TSHZ2: variants seen among roughly 807,000 people sequenced by gnomAD.
TSHZ2 encodes teashirt homolog 2.
A neutral mutation model predicts 74.4 loss-of-function variants in TSHZ2; 21 were observed. That is an observed-to-expected ratio of 0.28 (90% CI 0.20 to 0.41). The LOEUF is 0.41. Ranked by LOEUF, TSHZ2 falls within the 10% of genes least tolerant of loss-of-function variation. The pLI is 1.00. For synonymous variants in TSHZ2, 540 were observed against 515.3 expected, an observed-to-expected ratio of 1.05 and a Z score of -0.65; for missense variants, 1,244 against 1,293.5, an observed-to-expected ratio of 0.96 and a Z score of 0.59.
rs1416643340 is a variant in TSHZ2, at chr20:53,086,586, A to G, written c.40+113253A>G. 2.6e-5 allele frequency among the ~76,000 whole-genome samples: 4 copies of G among 152,188 alleles called. No individual in the cohort carries two copies. The East Asian group carries it at 5.8e-4, about 22-fold the overall frequency. Reference sequence around the variant, plus strand: ...AAACCTCCTGTCAGGAATGATGTATATAGGGCAAATAACAACCTCTCCCTG... The same window carrying G: ...AAACCTCCTGTCAGGAATGATGTATGTAGGGCAAATAACAACCTCTCCCTG... On this transcript the variant is annotated intron_variant, in intron 1 of 2. Transcript: ENST00000371497.
intron 2 of TSHZ2, among the ~76,000 whole-genome samples, chr20:53,332,816 A>G (rs763851769): frequency 6.6e-6 from 1 of 152,212 alleles, no homozygotes; most frequent in Non-Finnish European, 1.5e-5. Flanking sequence ...TGGCAGATGC[A>G]TTATAAGAAA....
intron 2 of TSHZ2, among the ~76,000 whole-genome samples, chr20:53,444,667 C>T (rs1459273363): frequency 1.3e-5 from 2 of 152,158 alleles, no homozygotes; most frequent in African/African-American, 2.4e-5. Context: ...GTCTTTTCTC[C>T]GTGGACATTC....
intron 2 of TSHZ2, among the ~76,000 whole-genome samples, chr20:53,436,545 A>ATTTTT (rs1430483512): frequency 2.9e-5 from 3 of 101,986 alleles, no homozygotes; most frequent in African/African-American, 1.2e-4. Flanking sequence ...TATTATTATT[A>ATTTTT]TTATTTTTTT....
chr20:53,481,956 T>C (rs537797546), intron 2 of TSHZ2, among the ~76,000 whole-genome samples: 1 of 151,774 alleles, frequency 6.6e-6, no homozygotes, highest in South Asian at 2.1e-4. Flanking sequence ...AATACAAAAT[T>C]AGCCAGGCAT....
intron 1 of TSHZ2, among the ~76,000 whole-genome samples, chr20:53,011,407 C>T (rs921164463): frequency 9.9e-5 from 15 of 152,078 alleles, no homozygotes; most frequent in African/African-American, 3.6e-4. Context: ...ATAAGTAAAC[C>T]CAAAGTTTTA....
intron 1 of TSHZ2, chr20:53,185,177 G>A (rs1988571318): frequency 3.0e-6 from 3 of 986,664 alleles, no homozygotes; most frequent in Non-Finnish European, 1.2e-6. Flanking sequence ...TTGTTTTGAA[G>A]AATGTCTTTC....
chr20:53,218,520 C>A lies in TSHZ2; in HGVS notation c.41-34979C>A, dbSNP rs541315345. 9.2e-5 allele frequency among the ~76,000 whole-genome samples: 14 copies of A among 152,326 alleles called. No individual in the cohort carries two copies. The South Asian group carries it at 2.9e-3, about 32-fold the overall frequency. ...AATTTCTCATATTCTTTTGCAAAAT[C>A]CAAACATCTACCGCATTGGTTCTAT... On this transcript the variant is annotated intron_variant, in intron 1 of 2. Coordinates refer to ENST00000371497, the MANE Select transcript of TSHZ2 (RefSeq NM_173485.6).
rs34385917 is a variant in TSHZ2 at position 53,196,366 on chromosome 20, T to TAAAAAAAA, written c.41-57114_41-57107dup. ...CCCGGAGGCATCAAGAATCTGCTGC[T>TAAAAAAAA]AAAAAAAAAAAAAAAAAAAAAAAAA... is the stretch of plus-strand genomic sequence containing the variant. On this transcript the variant is annotated intron_variant, in intron 1 of 2. Transcript: ENST00000371497. The TAAAAAAAA allele has an allele frequency of 4.9e-3, 533 of 109,580 alleles. 6 individuals are homozygous for TAAAAAAAA. Among genetic ancestry groups the TAAAAAAAA allele is most frequent in the African/African-American group, 0.015 (468 of 32,120 alleles). 6.8% of individuals were successfully genotyped at this position (109,580 alleles called of 1,614,324 possible). A position where few individuals can be genotyped will look rare whatever the true frequency, so the allele number is the denominator to read the frequency against.
intron 2 of TSHZ2, among the ~76,000 whole-genome samples, chr20:53,470,060 C>A (rs1043715151): frequency 3.3e-5 from 5 of 152,162 alleles, no homozygotes; most frequent in African/African-American, 7.2e-5. Context: ...GGAAACTCAG[C>A]CACTTTGTTC....
rs1482698114 is a variant in TSHZ2, at chr20:53,095,302, C to CA, written c.40+121970dup. On this transcript the variant is annotated intron_variant, in intron 1 of 2. Coordinates refer to ENST00000371497, the MANE Select transcript of TSHZ2 (RefSeq NM_173485.6). ...TCTCTCAAGAGTAAGTCCACCGTCACAGAGCTGGCCTCTGTCTCAGAAGTT... is the reference window on the plus strand; with the variant it reads ...TCTCTCAAGAGTAAGTCCACCGTCACAAGAGCTGGCCTCTGTCTCAGAAGTT... 2.6e-5 allele frequency among the ~76,000 whole-genome samples: 4 copies of CA among 152,200 alleles called. No homozygotes were observed. In the East Asian group the frequency reaches 7.7e-4, roughly 29 times the overall value.
chr20:52,998,436 G>T (rs1053759878), intron 1 of TSHZ2, among the ~76,000 whole-genome samples: 4 of 152,168 alleles, frequency 2.6e-5, no homozygotes, highest in Admixed American at 2.6e-4. Flanking sequence ...CCAAAGTGCT[G>T]GGATTACAGG....
intron 2 of TSHZ2, among the ~76,000 whole-genome samples, chr20:53,453,473 C>T (rs962882722): frequency 6.6e-6 from 1 of 152,092 alleles, no homozygotes; most frequent in Non-Finnish European, 1.5e-5. Flanking sequence ...GTCCTTCAGA[C>T]CAGCCATGAA....
At position 53,482,070 on chromosome 20, in the gene TSHZ2, C is replaced by T. The variant is rs542167156; in HGVS notation, c.*9-5074C>T. ...AGTGAGTCGAGATATCGTGCCATTGCACTGCAGCCTGGGCAACAAGAGCGA... is the reference window on the plus strand; with the variant it reads ...AGTGAGTCGAGATATCGTGCCATTGTACTGCAGCCTGGGCAACAAGAGCGA... On this transcript the variant is annotated intron_variant, in intron 2 of 2. Transcript: ENST00000371497. Among the ~76,000 whole-genome samples the T allele has an allele frequency of 2.3e-5, 3 of 133,242 alleles. No homozygotes were observed. The East Asian group carries it at 6.8e-4, about 30-fold the overall frequency. The allele number at this position is 133,242 out of a possible 152,430, so 87.4% of individuals were successfully genotyped here.
intron 2 of TSHZ2, among the ~76,000 whole-genome samples, chr20:53,418,576 G>C (rs951995752): frequency 6.6e-6 from 1 of 152,070 alleles, no homozygotes; most frequent in Non-Finnish European, 1.5e-5. Flanking sequence ...CAGATCTCGT[G>C]AGACCTATTC....
chr20:53,383,998 A>G (rs775044480), intron 2 of TSHZ2, among the ~76,000 whole-genome samples: 2 of 152,132 alleles, frequency 1.3e-5, no homozygotes, highest in Non-Finnish European at 2.9e-5. Context: ...CCTCTTCCGG[A>G]TGACATGTGA....
At chr20:53,420,509 G>A (rs866372478) in intron 2 of TSHZ2, among the ~76,000 whole-genome samples, 6 of 152,140 alleles carry the variant, frequency 3.9e-5, no homozygotes, top group Middle Eastern at 3.2e-3. Flanking sequence ...GGCAGATCAC[G>A]AGGCCAGGAG....
At chr20:53,366,122 G>A (rs1981248062) in intron 2 of TSHZ2, among the ~76,000 whole-genome samples, 2 of 152,336 alleles carry the variant, frequency 1.3e-5, no homozygotes, top group South Asian at 4.1e-4. Flanking sequence ...TAGTCTGAGT[G>A]CCTAGTCACC....
intron 1 of TSHZ2, among the ~76,000 whole-genome samples, chr20:53,215,022 G>C (rs1989402163): frequency 6.6e-6 from 1 of 152,200 alleles, no homozygotes; most frequent in Non-Finnish European, 1.5e-5. Flanking sequence ...TGGACACTGA[G>C]ATCGGGCACA....
At chr20:53,108,347 G>A (rs1986438493) in intron 1 of TSHZ2, among the ~76,000 whole-genome samples, 2 of 152,240 alleles carry the variant, frequency 1.3e-5, no homozygotes, top group Non-Finnish European at 2.9e-5. Flanking sequence ...GATAATGTAA[G>A]TTATGCACAT....
Sources: gnomAD v4.1 joint callset for allele counts (sites outside exome capture counted in the v4.1 genomes callset) on GRCh38, gnomAD v4.1.1 for gene constraint, MANE v1.5 for transcripts, NCBI Gene and HGNC (gene_info 2026-07-23, HGNC 2026-07-21) for gene names.